Variants in ATXN1 observed in about 807,000 individuals in gnomAD.
ATXN1 encodes ataxin-1.
A neutral mutation model predicts 56.4 loss-of-function variants in ATXN1; 8 were observed. The observed-to-expected ratio is 0.14, with a 90% CI of 0.08 to 0.26. The LOEUF (loss-of-function observed/expected upper bound fraction) is 0.26. Ranked by LOEUF, ATXN1 falls within the 10% of genes least tolerant of loss-of-function variation. The probability of loss-of-function intolerance (pLI) is 1.00; values close to 1 mark genes in which losing one functional copy is unlikely to be tolerated. For missense variants in ATXN1, 987 were observed against 1,106.5 expected (o/e 0.89, Z 1.53); for synonymous variants, 514 against 494.6 (o/e 1.04, Z -0.52).
intron 3 of ATXN1, among the ~76,000 whole-genome samples, chr6:16,619,487 C>A (rs1763279362): frequency 6.6e-6 from 1 of 152,132 alleles, no homozygotes; most frequent in Admixed American, 6.5e-5. Context: ...TTGAAAATCA[C>A]ACAGCAGCAT....
intron 2 of ATXN1, among the ~76,000 whole-genome samples, chr6:16,750,413 C>T (rs994454885): frequency 6.6e-6 from 1 of 152,042 alleles, no homozygotes; most frequent in Non-Finnish European, 1.5e-5. Flanking sequence ...CCAGAAAGAA[C>T]TATAATGTAG....
intron 3 of ATXN1, among the ~76,000 whole-genome samples, chr6:16,617,759 T>C (rs1763241631): frequency 6.8e-5 from 3 of 44,288 alleles, no homozygotes; most frequent in East Asian, 1.4e-3. Flanking sequence ...AGAGAGAAAC[T>C]CTGTCTCAAA....
intron 5 of ATXN1, among the ~76,000 whole-genome samples, chr6:16,497,693 G>C (rs1002138120): frequency 6.6e-6 from 1 of 152,154 alleles, no homozygotes; most frequent in African/African-American, 2.4e-5. Context: ...GGCCATGCTG[G>C]GAACTTGATT....
In ATXN1 at chr6:16,347,673, C is replaced by G. The variant is rs551751277; in HGVS notation, c.-160-19203G>C. Among the ~76,000 whole-genome samples, 5 of 152,216 alleles carry G rather than the reference C, an allele frequency of 3.3e-5. No individual in the cohort carries two copies. The East Asian group carries it at 9.7e-4, about 29-fold the overall frequency. On this transcript the variant is annotated intron_variant, in intron 6 of 7. Transcript: ENST00000436367. The stretch of plus-strand genomic sequence containing the variant: ...TGTCGACACTCTTTATTTAGCTAAT[C>G]TAGTGGGGCCCTGGAGAACCTTTGT...
intron 2 of ATXN1, among the ~76,000 whole-genome samples, chr6:16,710,321 T>C (rs1359370881): frequency 6.6e-6 from 1 of 152,184 alleles, no homozygotes; most frequent in Non-Finnish European, 1.5e-5. Context: ...GAGAAAGATA[T>C]ACCGTGTTTT....
intron 4 of ATXN1, among the ~76,000 whole-genome samples, chr6:16,538,244 A>G (rs996146420): frequency 1.3e-5 from 2 of 152,244 alleles, no homozygotes; most frequent in Non-Finnish European, 2.9e-5. Flanking sequence ...GACCTTGGGC[A>G]AATCACTTAA....
At chr6:16,597,729 C>T (rs1762841245) in intron 3 of ATXN1, among the ~76,000 whole-genome samples, 1 of 152,212 alleles carries the variant, frequency 6.6e-6, no homozygotes, top group Non-Finnish European at 1.5e-5. Flanking sequence ...GCGTGAGCCA[C>T]CATGCCTGGC....
At chr6:16,554,993 T>C (rs1195848148) in intron 4 of ATXN1, among the ~76,000 whole-genome samples, 2 of 152,202 alleles carry the variant, frequency 1.3e-5, no homozygotes, top group South Asian at 2.1e-4. Flanking sequence ...CCTGTCTCAA[T>C]GAGTGAAACT....
chr6:16,482,165 G>A lies in ATXN1; in HGVS notation c.-161+3807C>T, dbSNP rs529325545. Among the ~76,000 whole-genome samples, 3 of 152,264 alleles carry A rather than the reference G, an allele frequency of 2.0e-5. No homozygotes were observed. The South Asian group carries it at 6.2e-4, about 32-fold the overall frequency. On this transcript the variant is annotated intron_variant, in intron 6 of 7. Coordinates refer to ENST00000436367, the MANE Select transcript of ATXN1 (RefSeq NM_001128164.2). The stretch of plus-strand genomic sequence containing the variant: ...GCATTCTCATCAGAACAGCATGTAT[G>A]TTCCTTTTCCTAATGGCTCAGGCCC...
chr6:16,440,523 C>T (rs1319939672), intron 6 of ATXN1, among the ~76,000 whole-genome samples: 1 of 150,590 alleles, frequency 6.6e-6, no homozygotes, highest in Non-Finnish European at 1.5e-5. Flanking sequence ...CACCTTTAGT[C>T]CCAGCTACTT....
intron 6 of ATXN1, among the ~76,000 whole-genome samples, chr6:16,460,812 G>GGGCAGGATGGAGATCGAGACCATCCTGGC (rs1759977549): frequency 1.3e-5 from 2 of 152,216 alleles, no homozygotes; most frequent in African/African-American, 4.8e-5. Context: ...GTACTTGAAA[G>GGGCAGGATGGAGATCGAGACCATCCTGGC]TAAGTCTCTT....
At chr6:16,658,062 A>G (rs1758242118) in intron 2 of ATXN1, among the ~76,000 whole-genome samples, 161 bp from the exon 3 acceptor site, 1 of 152,158 alleles carries the variant, frequency 6.6e-6, no homozygotes, top group Admixed American at 6.5e-5. Context: ...CTGCTTATCT[A>G]CATAAGGTGC....
chr6:16,669,109 C>G (rs1415368459), intron 2 of ATXN1, among the ~76,000 whole-genome samples: 4 of 152,210 alleles, frequency 2.6e-5, no homozygotes, highest in African/African-American at 9.7e-5. Context: ...CCTCCAAACC[C>G]TCCTTTCTCT....
intron 6 of ATXN1, among the ~76,000 whole-genome samples, chr6:16,334,893 T>C (rs1761082256): frequency 6.6e-6 from 1 of 152,140 alleles, no homozygotes; most frequent in African/African-American, 2.4e-5. Flanking sequence ...GAGTAACAGC[T>C]GAGACAACTG....
intron 2 of ATXN1, among the ~76,000 whole-genome samples, chr6:16,693,233 A>G (rs1418517247): frequency 6.6e-6 from 1 of 152,204 alleles, no homozygotes; most frequent in Non-Finnish European, 1.5e-5. Flanking sequence ...AAATACTAAA[A>G]AGAGCACTGA....
intron 3 of ATXN1, among the ~76,000 whole-genome samples, chr6:16,625,636 G>A (rs1763394561): frequency 6.6e-6 from 1 of 152,010 alleles, no homozygotes; most frequent in South Asian, 2.1e-4. Context: ...AGACATTAGG[G>A]ACAAAAATAT....
chr6:16,523,755 C>T (rs955084261), intron 4 of ATXN1, among the ~76,000 whole-genome samples: 7 of 152,098 alleles, frequency 4.6e-5, no homozygotes, highest in African/African-American at 1.7e-4. Context: ...GTGAGGAAGC[C>T]ACAGTGTCTG....
chr6:16,475,106 C>T (rs1245755709), intron 6 of ATXN1, among the ~76,000 whole-genome samples: 1 of 152,136 alleles, frequency 6.6e-6, no homozygotes, highest in Non-Finnish European at 1.5e-5. Context: ...ATTATAGTTT[C>T]CAAACTCACT....
Position 16,328,383 on chromosome 6 carries a change from A to G in ATXN1, c.-73T>C, listed in dbSNP as rs1329704463. 7.0e-7 allele frequency: 1 copy of G among 1,428,108 alleles called. No homozygotes were observed. Among genetic ancestry groups the G allele is most frequent in the Non-Finnish European group, 9.1e-7 (1 of 1,094,992 alleles). The allele number at this position is 1,428,108 out of a possible 1,614,324, so 88.5% of individuals were successfully genotyped here. A position where few individuals can be genotyped will look rare whatever the true frequency, so the allele number is the denominator to read the frequency against. On this transcript the variant is annotated 5_prime_UTR_variant, in exon 7 of 8. Coordinates refer to ENST00000436367, the MANE Select transcript of ATXN1 (RefSeq NM_001128164.2). The surrounding 1 kb of genome is among the most constrained non-coding windows in gnomAD (Gnocchi z 6.2). ...TCTGATTTTAGTCTGATAAACGGAA[A>G]GTCACATTTGATTTCTGTAGGGGAT... is the stretch of plus-strand genomic sequence containing the variant.
Sources: gnomAD v4.1 joint callset for allele counts (sites outside exome capture counted in the v4.1 genomes callset) on GRCh38, gnomAD v4.1.1 for gene constraint, Gnocchi (gnomAD v3.1) non-coding constraint, MANE v1.5 for transcripts, NCBI Gene and HGNC (gene_info 2026-07-23, HGNC 2026-07-21) for gene names.